ARSG: variants seen among roughly 807,000 people sequenced by gnomAD.
ARSG encodes the protein arylsulfatase G.
Under a neutral mutation model 50.5 loss-of-function variants are expected in ARSG, and 37 were observed. That is an observed-to-expected ratio of 0.73 (90% CI 0.56 to 0.96). ARSG has a LOEUF of 0.96. Ranked by LOEUF, ARSG falls within the 50% of genes least tolerant of loss-of-function variation. The pLI, the probability that ARSG is intolerant of heterozygous loss-of-function variation, is 0.00. For synonymous variants in ARSG, 225 were observed against 254.6 expected, an observed-to-expected ratio of 0.88 and a Z score of 1.11; for missense variants, 629 against 675.3, an observed-to-expected ratio of 0.93 and a Z score of 0.76.
chr17:68,294,878 G>T (rs781819957), intron 1 of ARSG, among the ~76,000 whole-genome samples: 2 of 152,106 alleles, frequency 1.3e-5, no homozygotes, highest in African/African-American at 4.8e-5. Flanking sequence ...TTGTAGGAAG[G>T]CAGGGCCCTT....
At chr17:68,268,478 T>A (rs141253758) in intron 1 of ARSG, 2 of 152,634 alleles carry the variant, frequency 1.3e-5, no homozygotes, top group Non-Finnish European at 1.5e-5. Context: ...ATGTTTGGTC[T>A]TAAACTATAT....
At chr17:68,270,651 T>G (rs2075309133) in intron 1 of ARSG, among the ~76,000 whole-genome samples, 1 of 152,076 alleles carries the variant, frequency 6.6e-6, no homozygotes, top group African/African-American at 2.4e-5. Flanking sequence ...TAGCTTCAAT[T>G]CTTTGGCCTT....
chr17:68,431,462 C>A, the ARSG span, among the ~76,000 whole-genome samples: 2 of 151,990 alleles, frequency 1.3e-5, no homozygotes, highest in African/African-American at 2.4e-5. Flanking sequence ...GGCTGCTGGG[C>A]TCTGCAGCAG....
rs2079582477 is a variant in ARSG, at chr17:68,367,087, T to C, written c.705-1461T>C. On this transcript the variant is annotated intron_variant, in intron 6 of 11. Transcript: ENST00000621439. The surrounding 1 kb of genome is among the most constrained non-coding windows in gnomAD (Gnocchi z 4.5). Reference sequence around the variant, plus strand: ...GGGCCATGGAACTTTTAATATGATTTAATTTTCATTAATTTAAATCTAAAT... The same window carrying C: ...GGGCCATGGAACTTTTAATATGATTCAATTTTCATTAATTTAAATCTAAAT... Among the ~76,000 whole-genome samples, 1 of 152,252 alleles carries C rather than the reference T, an allele frequency of 6.6e-6. No individual in the cohort carries two copies. The highest frequency in any genetic ancestry group is 1.5e-5 in the Non-Finnish European group (1 of 68,032).
At chr17:68,355,821 A>G (rs2079009640) in intron 5 of ARSG, among the ~76,000 whole-genome samples, 1 of 151,606 alleles carries the variant, frequency 6.6e-6, no homozygotes, top group Admixed American at 6.6e-5. Context: ...AAGTTTCTCC[A>G]AATTCTGCAA....
intron 1 of ARSG, among the ~76,000 whole-genome samples, chr17:68,275,970 G>A (rs868945915): frequency 3.4e-5 from 5 of 148,842 alleles, no homozygotes; most frequent in Admixed American, 1.3e-4. Flanking sequence ...GCAACAAAGC[G>A]AGACTCCGTC....
chr17:68,289,251 T>G (rs2075911347), upstream of ARSG, among the ~76,000 whole-genome samples: 1 of 152,104 alleles, frequency 6.6e-6, no homozygotes, highest in South Asian at 2.1e-4. Flanking sequence ...TGAGCAGAGA[T>G]GACGCTACTG....
the ARSG span, among the ~76,000 whole-genome samples, chr17:68,440,500 G>GA: frequency 2.6e-4 from 40 of 152,006 alleles, no homozygotes; most frequent in South Asian, 1.7e-3. Flanking sequence ...AATATAAGGA[G>GA]AAAAAAAATC....
rs1418797183 is a variant in ARSG at position 68,300,052 on chromosome 17, A to G, written c.-551-6891A>G. Among the ~76,000 whole-genome samples, 7 of 149,036 alleles carry G rather than the reference A, an allele frequency of 4.7e-5. No homozygotes were observed. In the Admixed American group the frequency reaches 4.8e-4, roughly 10 times the overall value. Reference sequence around the variant, plus strand: ...ACTCCTGAGCTCCAGCCATCTTCCCACTTCAGCCTCCCTAGCAGCTGGGAC... The same window carrying G: ...ACTCCTGAGCTCCAGCCATCTTCCCGCTTCAGCCTCCCTAGCAGCTGGGAC... On this transcript the variant is annotated intron_variant, in intron 1 of 11. Transcript: ENST00000621439.
chr17:68,297,834 T>G (rs1186486732), intron 1 of ARSG, among the ~76,000 whole-genome samples: 1 of 152,192 alleles, frequency 6.6e-6, no homozygotes, highest in Non-Finnish European at 1.5e-5. Flanking sequence ...GTTCTCATAT[T>G]TATTATCCCT....
chr17:68,269,385 T>TA, intron 1 of ARSG: 1 of 1,058,834 alleles, frequency 9.4e-7, no homozygotes, highest in Non-Finnish European at 1.3e-6. Flanking sequence ...GCATCCTTCC[T>TA]AGACATAAGC....
chr17:68,444,506 A>G, the ARSG span: 19 of 1,613,706 alleles, frequency 1.2e-5, no homozygotes, highest in African/African-American at 2.0e-4. Context: ...TTGGGTTTGC[A>G]GGAATATCCA....
chr17:68,319,415 T>G (rs781896256), intron 2 of ARSG, among the ~76,000 whole-genome samples: 2 of 152,194 alleles, frequency 1.3e-5, no homozygotes, highest in South Asian at 4.1e-4. Flanking sequence ...ACCTTTCAAC[T>G]GGGGCCAGGT....
At chr17:68,291,119 G>T (rs1370197428), upstream of ARSG, 5 of 152,116 alleles carry the variant, frequency 3.3e-5, no homozygotes, top group South Asian at 2.1e-4. Context: ...ACCCCCAAAG[G>T]CTCCCAATAA....
intron 10 of ARSG, among the ~76,000 whole-genome samples, chr17:68,396,136 G>A (rs1323682228): frequency 6.6e-6 from 1 of 151,738 alleles, no homozygotes; most frequent in Non-Finnish European, 1.5e-5. Context: ...ACCCTCCCGA[G>A]TACCTGGGAC....
the ARSG span, chr17:68,429,072 TG>T: frequency 1.5e-6 from 1 of 650,014 alleles, no homozygotes; most frequent in East Asian, 2.8e-5. Flanking sequence ...TGATCTGGTC[TG>T]GGCTTCTGGC....
At chr17:68,333,277 G>A (rs995025644) in intron 2 of ARSG, among the ~76,000 whole-genome samples, 5 of 152,100 alleles carry the variant, frequency 3.3e-5, no homozygotes, top group Non-Finnish European at 5.9e-5. Context: ...AAGGGAGATC[G>A]CGCCACTGCA....
At chr17:68,431,447 G>A in the ARSG span, among the ~76,000 whole-genome samples, 3 of 152,222 alleles carry the variant, frequency 2.0e-5, no homozygotes, top group Admixed American at 6.5e-5. Flanking sequence ...GGTTCTGGGG[G>A]TGGTGGCTGC....
At chr17:68,434,596 C>T in the ARSG span, 1 of 1,614,040 alleles carries the variant, frequency 6.2e-7, no homozygotes, top group Non-Finnish European at 8.5e-7. Flanking sequence ...TTTTGCCCAT[C>T]AGGGACAGAG....
Sources: allele counts gnomAD v4.1 joint callset (sites outside exome capture counted in the v4.1 genomes callset), GRCh38; gene constraint gnomAD v4.1.1; non-coding constraint Gnocchi (gnomAD v3.1); transcripts MANE v1.5; gene names NCBI Gene and HGNC (gene_info 2026-07-23, HGNC 2026-07-21).